The following U2SURP variants were observed in gnomAD, a reference collection of about 807,000 sequenced individuals.
The protein encoded by U2SURP is U2 snRNP-associated SURP motif-containing protein.
U2SURP carries 9 observed loss-of-function variants against 144.9 expected under a neutral mutation model. The ratio of observed to expected loss-of-function variants is 0.06; its 90% CI spans 0.04 to 0.11. U2SURP has a LOEUF of 0.11. Ranked by LOEUF, U2SURP falls within the 10% of genes least tolerant of loss-of-function variation. The pLI, the probability that U2SURP is intolerant of heterozygous loss-of-function variation, is 1.00. For missense variants in U2SURP, 724 were observed against 1,226.7 expected, an observed-to-expected ratio of 0.59 and a Z score of 6.12; for synonymous variants, 408 against 396.8, an observed-to-expected ratio of 1.03 and a Z score of -0.33.
chr3:143,009,067 C>A (rs1935987475), intron 1 of U2SURP, among the ~76,000 whole-genome samples: 1 of 152,214 alleles, frequency 6.6e-6, no homozygotes, highest in Non-Finnish European at 1.5e-5. Flanking sequence ...TCAGTCCCTT[C>A]AGCCTCTTGC....
chr3:143,035,965 G>A lies in U2SURP; in HGVS notation c.1942-17G>A. On this transcript the variant is annotated splice_polypyrimidine_tract_variant and intron_variant, in intron 19 of 27. Transcript: ENST00000473835. ...AGCCCAAAATAAAAGTTTGTTGTCT[G>A]TTTCCTGTTTCTTTAGCAACGGGTA... 1 of 1,582,654 alleles carries A rather than the reference G, an allele frequency of 6.3e-7. No homozygotes were observed. The highest frequency in any genetic ancestry group is 8.5e-7 in the Non-Finnish European group (1 of 1,170,122).
intron 16 of U2SURP, among the ~76,000 whole-genome samples, chr3:143,031,134 G>C (rs1933457937): frequency 6.6e-6 from 1 of 152,146 alleles, no homozygotes; most frequent in Non-Finnish European, 1.5e-5. Context: ...TTGCTTCTTA[G>C]GGATGAGCAA....
chr3:143,026,643 T>G (rs1474827963), intron 13 of U2SURP: 2 of 152,176 alleles, frequency 1.3e-5, no homozygotes, highest in African/African-American at 4.8e-5. Context: ...GGCCTTAAAC[T>G]TGTTAAATAG....
chr3:143,013,755 T>C (rs926268962), intron 3 of U2SURP, among the ~76,000 whole-genome samples: 2 of 152,116 alleles, frequency 1.3e-5, no homozygotes, highest in Non-Finnish European at 2.9e-5. Flanking sequence ...GCTGAAACTT[T>C]AAATATTGTA....
intron 16 of U2SURP, 42 bp downstream of exon 16, chr3:143,028,688 C>A: frequency 6.6e-7 from 1 of 1,517,110 alleles, no homozygotes; most frequent in South Asian, 1.2e-5. Context: ...AGAAAAGTAA[C>A]TGTAATGGTT....
At chr3:143,002,967 C>A (rs899235234) in intron 1 of U2SURP, among the ~76,000 whole-genome samples, 5 of 152,190 alleles carry the variant, frequency 3.3e-5, no homozygotes, top group Non-Finnish European at 5.9e-5. Context: ...TCTCAACAGA[C>A]TCCTGACAAG....
chr3:143,020,497 A>G (rs978023245), intron 7 of U2SURP, 102 bp from the exon 8 acceptor site: 9 of 783,844 alleles, frequency 1.1e-5, no homozygotes, highest in South Asian at 8.4e-5. Flanking sequence ...TTAATTACAG[A>G]TATTTCTAGT....
At position 143,053,662 on chromosome 3, in the gene U2SURP, A is replaced by G; in HGVS notation, c.2656-14A>G. The G allele has an allele frequency of 2.4e-6, 3 of 1,272,400 alleles. No homozygotes were observed. Among genetic ancestry groups the G allele is most frequent in the East Asian group, 2.5e-5 (1 of 39,648 alleles). The allele number at this position is 1,272,400 out of a possible 1,614,324, so 78.8% of individuals were successfully genotyped here. A position where few individuals can be genotyped will look rare whatever the true frequency, so the allele number is the denominator to read the frequency against. The stretch of plus-strand genomic sequence containing the variant: ...ATTTTTAAACAACTTAATATTTTCT[A>G]TAAAAAATAACAGGAGAAAGAGAAA... On this transcript the variant is annotated splice_polypyrimidine_tract_variant and intron_variant, in intron 25 of 27. Transcript: ENST00000473835.
At position 143,051,896 on chromosome 3, in the gene U2SURP, G is replaced by T. The variant is rs536056461; in HGVS notation, c.2655+847G>T. Among the ~76,000 whole-genome samples the T allele has an allele frequency of 2.1e-3, 317 of 152,062 alleles. 3 individuals carry two copies. The highest frequency in any genetic ancestry group is 7.4e-3 in the African/African-American group (307 of 41,472). On this transcript the variant is annotated intron_variant, in intron 25 of 27. Transcript: ENST00000473835. The stretch of plus-strand genomic sequence containing the variant: ...TTAGATAATAGCTAATATTATTACT[G>T]TTACTCTTCATTATAAGTATTTTAG...
At chr3:143,029,536 A>T (rs564254156) in intron 16 of U2SURP, among the ~76,000 whole-genome samples, 25 of 152,312 alleles carry the variant, frequency 1.6e-4, no homozygotes, top group Non-Finnish European at 2.9e-4. Flanking sequence ...GTGTGTTCTG[A>T]CTGTTCAGTG....
At chr3:143,013,555 T>G (rs1936215924) in intron 3 of U2SURP, among the ~76,000 whole-genome samples, 1 of 152,052 alleles carries the variant, frequency 6.6e-6, no homozygotes, top group Non-Finnish European at 1.5e-5. Context: ...TTCAGTATTT[T>G]AGGTTGTATT....
chr3:143,035,021 T>TGGG (rs769534064), intron 19 of U2SURP, 46 bp downstream of exon 19: 2 of 119,526 alleles, frequency 1.7e-5, no homozygotes, highest in African/African-American at 1.1e-4. Flanking sequence ...TTTAAATGGG[T>TGGG]GGGGGGAGGG....
intron 24 of U2SURP, among the ~76,000 whole-genome samples, chr3:143,043,995 C>T (rs935339423): frequency 3.9e-5 from 6 of 152,058 alleles, no homozygotes; most frequent in South Asian, 2.1e-4. Context: ...CCTCGTGATC[C>T]GCCCACCTCG....
chr3:143,041,871 A>G (rs188186522), intron 23 of U2SURP, among the ~76,000 whole-genome samples: 5 of 152,134 alleles, frequency 3.3e-5, no homozygotes, highest in East Asian at 3.9e-4. Flanking sequence ...ATCACAGTCA[A>G]CATTGTTTGT....
At position 143,058,074 on chromosome 3, in the gene U2SURP, T is replaced by C. The variant is rs1164515455; in HGVS notation, c.*1624T>C. The C allele has an allele frequency of 6.6e-6, 1 of 152,404 alleles. No homozygotes were observed. The allele number at this position is 152,404 out of a possible 1,614,324, so 9.4% of individuals were successfully genotyped here. On this transcript the variant is annotated 3_prime_UTR_variant, in exon 28 of 28. Transcript: ENST00000473835. ...AAAATTTGTTCAGAATAATTAAAAG[T>C]GAACATTTGGTGCTGATACTCAAAA...
Position 143,027,677 on chromosome 3 carries a change from G to T in U2SURP, c.1379+424G>T, listed in dbSNP as rs148942896. 7.2e-5 allele frequency among the ~76,000 whole-genome samples: 11 copies of T among 152,006 alleles called. No homozygotes were observed. The East Asian group carries it at 2.1e-3, about 29-fold the overall frequency. ...ATGTATTTACTATATTTTATCTTCA[G>T]GCATGCAGTTTAAAACTACTTTTAA... On this transcript the variant is annotated intron_variant, in intron 14 of 27. Coordinates refer to ENST00000473835, the MANE Select transcript of U2SURP (RefSeq NM_001080415.2).
intron 13 of U2SURP, chr3:143,024,405 C>G: frequency 2.6e-6 from 1 of 385,084 alleles, no homozygotes; most frequent in Non-Finnish European, 5.0e-6. Flanking sequence ...GAATTATCTG[C>G]ATTTAATATA....
intron 16 of U2SURP, 64 bp downstream of exon 16, chr3:143,028,710 T>C: frequency 7.1e-7 from 1 of 1,405,290 alleles, no homozygotes. Context: ...CTTTAATTAA[T>C]GGTCTTATTA....
At chr3:143,027,493 G>A (rs1933222993) in intron 14 of U2SURP, among the ~76,000 whole-genome samples, 1 of 152,168 alleles carries the variant, frequency 6.6e-6, no homozygotes, top group East Asian at 1.9e-4. Context: ...CTGTCTCTTA[G>A]TAATTTCATT....
Sources: gnomAD v4.1 joint callset for allele counts (sites outside exome capture counted in the v4.1 genomes callset) on GRCh38, gnomAD v4.1.1 for gene constraint, MANE v1.5 for transcripts, NCBI Gene and HGNC (gene_info 2026-07-23, HGNC 2026-07-21) for gene names.